COL21A1: variants seen among roughly 807,000 people sequenced by gnomAD.
The protein encoded by COL21A1 is collagen type XXI alpha 1 chain.
Under a neutral mutation model 137.9 loss-of-function variants are expected in COL21A1, and 149 were observed. The observed-to-expected ratio is 1.08, with a 90% CI of 0.95 to 1.24. The LOEUF (loss-of-function observed/expected upper bound fraction) is 1.24. Ranked by LOEUF, COL21A1 falls within the 50% of genes most tolerant of loss-of-function variation. COL21A1 has a pLI of 0.00. For missense variants in COL21A1, 1,167 were observed against 1,158.4 expected (o/e 1.01, Z -0.11); for synonymous variants, 456 against 391.5 (o/e 1.16, Z -1.95).
chr6:56,200,243 G>T (rs1779292517), intron 1 of COL21A1, among the ~76,000 whole-genome samples: 1 of 152,132 alleles, frequency 6.6e-6, no homozygotes, highest in Non-Finnish European at 1.5e-5. Flanking sequence ...GTTTAGAATT[G>T]TTTTTCCTAA....
At chr6:56,252,962 G>C (rs966498491) in intron 1 of COL21A1, among the ~76,000 whole-genome samples, 6 of 152,126 alleles carry the variant, frequency 3.9e-5, no homozygotes, top group Non-Finnish European at 8.8e-5. Context: ...CAGTTTGATG[G>C]ATAAATCGAA....
Position 56,171,030 on chromosome 6 carries a change from T to C in COL21A1, c.739A>G (p.Ile247Val). The change falls in exon 4 of 30, where the codon ATA (isoleucine) becomes GTA (valine). Residue 247 changes from isoleucine (I) to valine (V), a missense_variant. By Grantham distance (29) the Ile-to-Val change is conservative. Coordinates refer to ENST00000244728, the MANE Select transcript of COL21A1 (RefSeq NM_030820.4). The part of the protein sequence containing the change: ...LDVNKKVKKR[I>V]QLSPKKIKGY... ...TTTATCTTTTTTGGTGAAAGCTGTA[T>C]TCTTTTCTTAACCTTTTTATTTACA... 2 of 1,608,194 alleles carry C rather than the reference T, an allele frequency of 1.2e-6. No individual in the cohort carries two copies. The highest frequency in any genetic ancestry group is 1.7e-6 in the Non-Finnish European group (2 of 1,177,828).
chr6:56,171,003 C>T lies in COL21A1; in HGVS notation c.766G>A (p.Gly256Arg), dbSNP rs1777000385. 1.2e-5 allele frequency: 20 copies of T among 1,606,946 alleles called. No homozygotes were observed. Among genetic ancestry groups the T allele is most frequent in the Non-Finnish European group, 1.7e-5 (20 of 1,177,306 alleles). Reference sequence around the variant, plus strand: ...TCAACTTTTGATGTTACTTCATATCCTTTTATCTTTTTTGGTGAAAGCTGT... The same window carrying T: ...TCAACTTTTGATGTTACTTCATATCTTTTTATCTTTTTTGGTGAAAGCTGT... ...RIQLSPKKIK[G>R]YEVTSKVDLS... Residue 256 changes from glycine to arginine, a missense_variant, in exon 4 of 30, where the codon GGA (glycine) becomes AGA (arginine). Transcript: ENST00000244728.
intron 1 of COL21A1, among the ~76,000 whole-genome samples, chr6:56,304,447 TG>T (rs1276265277): frequency 1.1e-4 from 17 of 150,074 alleles, no homozygotes; most frequent in South Asian, 2.1e-4. Flanking sequence ...AACTTCTTCG[TG>T]GTTTAGTCTT....
At chr6:56,276,770 T>C (rs1160206565) in intron 1 of COL21A1, 1 of 1,200,416 alleles carries the variant, frequency 8.3e-7, no homozygotes. Context: ...CTACTTTATT[T>C]GCTAATTCTG....
intron 1 of COL21A1, among the ~76,000 whole-genome samples, chr6:56,264,454 C>T (rs1763351206): frequency 6.6e-6 from 1 of 152,060 alleles, no homozygotes; most frequent in Non-Finnish European, 1.5e-5. Context: ...TCCTATCTAC[C>T]CAACAATTAA....
chr6:56,180,273 C>A, intron 2 of COL21A1, 144 bp from the exon 3 acceptor site: 11 of 693,118 alleles, frequency 1.6e-5, no homozygotes, highest in South Asian at 5.7e-5. Context: ...TTAATGCTAA[C>A]GTGAAATATT....
chr6:56,140,021 A>G (rs1182236266), intron 12 of COL21A1, among the ~76,000 whole-genome samples: 1 of 152,184 alleles, frequency 6.6e-6, no homozygotes, highest in South Asian at 2.1e-4. Context: ...TAAATTACTC[A>G]TACTTCCTAC....
rs200763472 is a variant in COL21A1 at position 56,124,058 on chromosome 6, A to G, written c.1758+4T>C. 5 of 1,495,386 alleles carry G rather than the reference A, an allele frequency of 3.3e-6. No individual in the cohort carries two copies. In the East Asian group the frequency reaches 1.3e-4, roughly 38 times the overall value. The allele number at this position is 1,495,386 out of a possible 1,614,324, so 92.6% of individuals were successfully genotyped here. On this transcript the variant is annotated splice_donor_region_variant and intron_variant, in intron 16 of 29. Coordinates refer to ENST00000244728, the MANE Select transcript of COL21A1 (RefSeq NM_030820.4). The stretch of plus-strand genomic sequence containing the variant: ...TTTGTCCTTTTTTTTTTTTTTATAA[A>G]TACCTTGAAACCGGGACTACCCATT...
In COL21A1 at chr6:56,061,045, C is replaced by T; in HGVS notation, c.2206-8G>A. On this transcript the variant is annotated splice_polypyrimidine_tract_variant and splice_region_variant and intron_variant, in intron 25 of 29. Transcript: ENST00000244728. ...TTCTCCCTTTTCACCTCTCTAAAAG[C>T]AAAAGAAATCTTTACAAGTTCTATT... is the stretch of plus-strand genomic sequence containing the variant. 1 of 1,567,638 alleles carries T rather than the reference C, an allele frequency of 6.4e-7. No homozygotes were observed. The highest frequency in any genetic ancestry group is 8.6e-7 in the Non-Finnish European group (1 of 1,164,894).
intron 5 of COL21A1, among the ~76,000 whole-genome samples, chr6:56,169,180 G>C (rs1421908540): frequency 6.6e-6 from 1 of 151,858 alleles, no homozygotes; most frequent in Admixed American, 6.6e-5. Flanking sequence ...TTAGGCTCAT[G>C]GAACTCTTGT....
chr6:56,121,610 A>G (rs1258139527), intron 16 of COL21A1, among the ~76,000 whole-genome samples: 2 of 149,302 alleles, frequency 1.3e-5, no homozygotes, highest in Admixed American at 6.7e-5. Flanking sequence ...ATATTTGTCA[A>G]GTGTACAATA....
At chr6:56,290,882 T>C (rs548634646) in intron 1 of COL21A1, among the ~76,000 whole-genome samples, 1 of 152,322 alleles carries the variant, frequency 6.6e-6, no homozygotes, top group African/African-American at 2.4e-5. Context: ...TGAGGTGACA[T>C]ATGGCCATTC....
intron 1 of COL21A1, among the ~76,000 whole-genome samples, chr6:56,191,680 A>G (rs1778693524): frequency 3.3e-5 from 3 of 91,300 alleles, no homozygotes. Flanking sequence ...CTAGGAATAC[A>G]ACTTACAAGG....
At chr6:56,068,486 G>A (rs1300160141) in intron 22 of COL21A1, among the ~76,000 whole-genome samples, 1 of 151,424 alleles carries the variant, frequency 6.6e-6, no homozygotes, top group Admixed American at 6.6e-5. Flanking sequence ...CAAAATGAGA[G>A]AGAGAGAACC....
At chr6:56,104,978 T>C (rs973307117) in intron 16 of COL21A1, among the ~76,000 whole-genome samples, 2 of 152,224 alleles carry the variant, frequency 1.3e-5, no homozygotes, top group Non-Finnish European at 2.9e-5. Flanking sequence ...CCTTGCTTTG[T>C]TAAGGAAACA....
At chr6:56,357,776 C>T (rs1038025316) in intron 1 of COL21A1, among the ~76,000 whole-genome samples, 1 of 152,108 alleles carries the variant, frequency 6.6e-6, no homozygotes, top group African/African-American at 2.4e-5. Flanking sequence ...CTGCTGACAC[C>T]TCAAGAATGC....
intron 1 of COL21A1, among the ~76,000 whole-genome samples, chr6:56,319,081 A>G (rs72870257): frequency 0.017 from 2,554 of 152,246 alleles, 34 homozygotes; most frequent in Non-Finnish European, 0.026. Flanking sequence ...CACTTGACAC[A>G]GTTGATCGCA....
chr6:56,123,611 G>A (rs1772742748), intron 16 of COL21A1, among the ~76,000 whole-genome samples: 1 of 152,104 alleles, frequency 6.6e-6, no homozygotes, highest in South Asian at 2.1e-4. Context: ...ACCACCCCAA[G>A]GGCATGTGCC....
Sources: gnomAD v4.1 joint callset for allele counts (sites outside exome capture counted in the v4.1 genomes callset) on GRCh38, gnomAD v4.1.1 for gene constraint, MANE v1.5 for transcripts, NCBI Gene and HGNC (gene_info 2026-07-23, HGNC 2026-07-21) for gene names.